CSMD1: variants seen among roughly 807,000 people sequenced by gnomAD.
CSMD1 encodes the protein CUB and Sushi multiple domains 1.
CSMD1 carries 213 observed loss-of-function variants against 417.5 expected under a neutral mutation model. The observed-to-expected ratio is 0.51, with a 90% confidence interval of 0.46 to 0.57. The LOEUF (loss-of-function observed/expected upper bound fraction) is 0.57, where lower values mean the gene tolerates loss of function less well. Ranked by LOEUF, CSMD1 falls within the 20% of genes least tolerant of loss-of-function variation. The pLI is 0.00. For synonymous variants in CSMD1, 2,862 were observed against 1,736.8 expected, an observed-to-expected ratio of 1.65 and a Z score of -16.11; for missense variants, 6,923 against 4,529.7, an observed-to-expected ratio of 1.53 and a Z score of -15.17.
Position 3,492,439 on chromosome 8 carries a change from C to T in CSMD1, c.1448+1184G>A, listed in dbSNP as rs147421367. 1.7e-3 allele frequency among the ~76,000 whole-genome samples: 260 copies of T among 152,286 alleles called. 3 individuals carry two copies. The highest frequency in any genetic ancestry group is 5.6e-3 in the African/African-American group (232 of 41,566). ...AAGTAGACAAAGAAAGCAAGGTGAA[C>T]ACCTGCAGAACACTTTCCATTAATG... On this transcript the variant is annotated intron_variant, in intron 11 of 69. Coordinates refer to ENST00000635120, the MANE Select transcript of CSMD1 (RefSeq NM_033225.6).
chr8:3,347,859 A>C, intron 22 of CSMD1, 133 bp downstream of exon 22: 1 of 588,142 alleles, frequency 1.7e-6, no homozygotes, highest in East Asian at 3.2e-5. Flanking sequence ...TCATTGTGTA[A>C]ATAAATACAA....
At chr8:4,499,671 G>C (rs1017141493) in intron 2 of CSMD1, among the ~76,000 whole-genome samples, 3 of 152,216 alleles carry the variant, frequency 2.0e-5, no homozygotes, top group Admixed American at 2.0e-4. Context: ...ATAAATATCA[G>C]ATTTTAGTGA....
In CSMD1 at chr8:4,177,272, A is replaced by T. The variant is rs1358505376; in HGVS notation, c.416-145173T>A. On this transcript the variant is annotated intron_variant, in intron 3 of 69. Coordinates refer to ENST00000635120, the MANE Select transcript of CSMD1 (RefSeq NM_033225.6). ...AATCAAGCTAGAACTCAGGATTAAGAAACTCACTCAAAACCGCTCAACTAC... is the reference window on the plus strand; with the variant it reads ...AATCAAGCTAGAACTCAGGATTAAGTAACTCACTCAAAACCGCTCAACTAC... Among the ~76,000 whole-genome samples the T allele has an allele frequency of 2.0e-5, 3 of 152,160 alleles. No individual in the cohort carries two copies. The East Asian group carries it at 5.8e-4, about 29-fold the overall frequency.
chr8:4,886,561 G>T (rs898569591), intron 1 of CSMD1, among the ~76,000 whole-genome samples: 1 of 151,852 alleles, frequency 6.6e-6, no homozygotes, highest in East Asian at 1.9e-4. Flanking sequence ...TGAAAGTGTG[G>T]ATATATTTAC....
intron 3 of CSMD1, among the ~76,000 whole-genome samples, chr8:4,178,390 C>G (rs1417405240): frequency 6.6e-6 from 1 of 150,526 alleles, no homozygotes; most frequent in Non-Finnish European, 1.5e-5. Flanking sequence ...ACCCTTCATG[C>G]TAAAAACTCT....
At chr8:3,506,234 T>C (rs938177401) in intron 10 of CSMD1, among the ~76,000 whole-genome samples, 1 of 151,784 alleles carries the variant, frequency 6.6e-6, no homozygotes, top group South Asian at 2.1e-4. Context: ...GGGGAGAGGG[T>C]GCAGGTGAGC....
chr8:4,692,408 C>G (rs1212760808), intron 1 of CSMD1, among the ~76,000 whole-genome samples: 1 of 152,190 alleles, frequency 6.6e-6, no homozygotes, highest in East Asian at 1.9e-4. Flanking sequence ...ATCCCGGTTG[C>G]TTTTCGTGGC....
intron 1 of CSMD1, among the ~76,000 whole-genome samples, chr8:4,863,814 A>C (rs1475316628): frequency 6.6e-6 from 1 of 152,182 alleles, no homozygotes; most frequent in South Asian, 2.1e-4. Flanking sequence ...AGAACATGAA[A>C]ATCCTTTAGG....
chr8:3,825,400 G>C (rs751908042), intron 5 of CSMD1, among the ~76,000 whole-genome samples: 1 of 152,046 alleles, frequency 6.6e-6, no homozygotes, highest in African/African-American at 2.4e-5. Flanking sequence ...GTGGTGGTAG[G>C]CACCTGTAAT....
chr8:3,833,989 C>T (rs1802521536), intron 5 of CSMD1, among the ~76,000 whole-genome samples: 1 of 152,086 alleles, frequency 6.6e-6, no homozygotes, highest in Non-Finnish European at 1.5e-5. Flanking sequence ...GGTTTGAACA[C>T]CACTTTTCAG....
At chr8:4,236,709 T>C (rs538394237) in intron 3 of CSMD1, among the ~76,000 whole-genome samples, 1 of 152,348 alleles carries the variant, frequency 6.6e-6, no homozygotes, top group South Asian at 2.1e-4. Flanking sequence ...ATCTGTAAAA[T>C]GGCAATAATC....
intron 3 of CSMD1, among the ~76,000 whole-genome samples, chr8:4,415,464 G>C (rs1474853840): frequency 3.5e-5 from 5 of 144,410 alleles, no homozygotes; most frequent in Admixed American, 6.8e-5. Context: ...CGTGGCCTGA[G>C]CCCACTCTGT....
At chr8:4,221,306 C>T (rs1034363916) in intron 3 of CSMD1, among the ~76,000 whole-genome samples, 11 of 151,320 alleles carry the variant, frequency 7.3e-5, no homozygotes, top group African/African-American at 2.7e-4. Flanking sequence ...TGAATACACT[C>T]ATGGACTTAC....
chr8:3,559,004 T>C (rs893967392), intron 10 of CSMD1, among the ~76,000 whole-genome samples: 22 of 152,112 alleles, frequency 1.4e-4, no homozygotes, highest in African/African-American at 5.3e-4. Context: ...GGGACTGCCG[T>C]GGTGGTCTGG....
chr8:3,487,870 C>G (rs1351208681), intron 11 of CSMD1, among the ~76,000 whole-genome samples: 5 of 151,604 alleles, frequency 3.3e-5, no homozygotes, highest in African/African-American at 1.2e-4. Context: ...AGTAACATTA[C>G]CAATTTTTTC....
chr8:4,287,793 T>A (rs535696035), intron 3 of CSMD1, among the ~76,000 whole-genome samples: 7 of 151,970 alleles, frequency 4.6e-5, no homozygotes, highest in African/African-American at 1.4e-4. Flanking sequence ...ACTCATACTA[T>A]CTCTCCTCCA....
chr8:4,136,058 T>C (rs563441521), intron 3 of CSMD1, among the ~76,000 whole-genome samples: 2 of 152,230 alleles, frequency 1.3e-5, no homozygotes, highest in Admixed American at 6.5e-5. Flanking sequence ...AAATGGCACT[T>C]GGCAAGAGAA....
chr8:4,007,816 C>T (rs1240064608), intron 4 of CSMD1, among the ~76,000 whole-genome samples: 4 of 151,954 alleles, frequency 2.6e-5, no homozygotes, highest in South Asian at 2.1e-4. Context: ...GGGCTATGCA[C>T]GGAATCAAAC....
chr8:4,790,453 C>A (rs1434745202), intron 1 of CSMD1, among the ~76,000 whole-genome samples: 1 of 152,118 alleles, frequency 6.6e-6, no homozygotes, highest in African/African-American at 2.4e-5. Context: ...CTACCAATAA[C>A]ATTTTCCACA....
Sources: gnomAD v4.1 joint callset for allele counts (sites outside exome capture counted in the v4.1 genomes callset) on GRCh38, gnomAD v4.1.1 for gene constraint, MANE v1.5 for transcripts, NCBI Gene and HGNC (gene_info 2026-07-23, HGNC 2026-07-21) for gene names.